PRIM2: variants seen among roughly 807,000 people sequenced by gnomAD.
PRIM2 encodes the protein DNA primase large subunit.
PRIM2 carries 39 observed loss-of-function variants against 67.3 expected under a neutral mutation model. The ratio of observed to expected loss-of-function variants is 0.58; its 90% CI spans 0.45 to 0.76. The LOEUF (loss-of-function observed/expected upper bound fraction) is 0.76. Among genes scored for constraint, PRIM2 ranks in the 30% least tolerant of loss-of-function variants. PRIM2 has a pLI of 0.00. For synonymous variants in PRIM2, 143 were observed against 198.7 expected (o/e 0.72, Z 2.36); for missense variants, 398 against 598.7 (o/e 0.66, Z 3.50).
the PRIM2 span, among the ~76,000 whole-genome samples, chr6:57,265,539 A>G: frequency 6.6e-6 from 1 of 152,226 alleles, no homozygotes; most frequent in South Asian, 2.1e-4. Context: ...ACCACTTACT[A>G]GAATAGAACA....
At chr6:57,403,671 T>G (rs7755884) in intron 7 of PRIM2, among the ~76,000 whole-genome samples, 8 of 151,752 alleles carry the variant, frequency 5.3e-5, no homozygotes, top group Non-Finnish European at 7.4e-5. Flanking sequence ...AGAATTTTAA[T>G]GATTCTCTCA....
intron 7 of PRIM2, among the ~76,000 whole-genome samples, chr6:57,481,459 C>T (rs1437476284): frequency 3.3e-5 from 5 of 152,308 alleles, no homozygotes; most frequent in African/African-American, 1.2e-4. Context: ...TTATAAATCA[C>T]TGCATAGTAT....
At chr6:57,311,663 G>A (rs1425112890), upstream of PRIM2, among the ~76,000 whole-genome samples, 5 of 152,268 alleles carry the variant, frequency 3.3e-5, no homozygotes, top group East Asian at 9.7e-4. Context: ...AGCATTTTGG[G>A]AGGCCAAGGC....
intron 12 of PRIM2, among the ~76,000 whole-genome samples, chr6:57,607,352 A>C (rs1776582928): frequency 1.3e-5 from 2 of 151,954 alleles, no homozygotes; most frequent in African/African-American, 2.4e-5. Flanking sequence ...AAATCCTGCT[A>C]CCACAAAACC....
At chr6:57,443,921 CATTTTGAGTTG>C (rs1345481802) in intron 7 of PRIM2, among the ~76,000 whole-genome samples, 10 of 151,886 alleles carry the variant, frequency 6.6e-5, no homozygotes, top group African/African-American at 2.4e-4. Context: ...GTCTTTAATT[CATTTTGAGTTG>C]ATTTTTATAT....
chr6:57,432,178 G>A (rs1320351695), intron 7 of PRIM2, among the ~76,000 whole-genome samples: 1 of 152,120 alleles, frequency 6.6e-6, no homozygotes, highest in Non-Finnish European at 1.5e-5. Flanking sequence ...CCAACAATTG[G>A]ACTAAATGAA....
upstream of PRIM2, among the ~76,000 whole-genome samples, chr6:57,316,404 T>C (rs1008777564): frequency 2.0e-5 from 3 of 152,158 alleles, no homozygotes; most frequent in Non-Finnish European, 4.4e-5. Flanking sequence ...AGAACAAGAC[T>C]CTGTCTCGGG....
At chr6:57,449,964 C>G (rs1435226327) in intron 7 of PRIM2, among the ~76,000 whole-genome samples, 3 of 152,094 alleles carry the variant, frequency 2.0e-5, no homozygotes, top group Non-Finnish European at 4.4e-5. Context: ...CACAAAGGAA[C>G]AAGATTAATG....
the PRIM2 span, among the ~76,000 whole-genome samples, chr6:57,294,586 T>C: frequency 6.6e-6 from 1 of 151,534 alleles, no homozygotes; most frequent in Non-Finnish European, 1.5e-5. Context: ...TATGTATAAG[T>C]ATGTGTATAT....
At chr6:57,252,489 G>A in the PRIM2 span, among the ~76,000 whole-genome samples, 5 of 152,096 alleles carry the variant, frequency 3.3e-5, no homozygotes, top group African/African-American at 1.2e-4. Flanking sequence ...CGCCGAGGCT[G>A]GAGTGCAGTG....
At chr6:57,500,186 ACTGCCT>A (rs1450335706) in intron 7 of PRIM2, among the ~76,000 whole-genome samples, 1 of 151,956 alleles carries the variant, frequency 6.6e-6, no homozygotes, top group East Asian at 1.9e-4. Flanking sequence ...TTCTGTCCCT[ACTGCCT>A]CTGCCATAAT....
upstream of PRIM2, chr6:57,317,618 T>C (rs1767519359): frequency 1.3e-5 from 2 of 152,716 alleles, no homozygotes; most frequent in Admixed American, 1.3e-4. Flanking sequence ...AGTCACTTCC[T>C]CTTCCGGTTT....
intron 10 of PRIM2, among the ~76,000 whole-genome samples, chr6:57,555,231 C>T (rs1252131127): frequency 3.3e-5 from 5 of 152,158 alleles, no homozygotes; most frequent in Admixed American, 1.3e-4. Context: ...GTGGGGAATG[C>T]TAACCTTTAT....
chr6:57,411,654 C>T (rs1562738833), intron 7 of PRIM2, among the ~76,000 whole-genome samples: 1 of 151,896 alleles, frequency 6.6e-6, no homozygotes, highest in Non-Finnish European at 1.5e-5. Flanking sequence ...TTGATTAAAA[C>T]AATATTAAGT....
chr6:57,528,156 G>A (rs1774803238), intron 8 of PRIM2, among the ~76,000 whole-genome samples: 3 of 149,686 alleles, frequency 2.0e-5, no homozygotes, highest in Non-Finnish European at 4.4e-5. Context: ...TTATAGCGAT[G>A]ATGTCTTGCT....
At chr6:57,236,653 A>G in the PRIM2 span, among the ~76,000 whole-genome samples, 1 of 151,870 alleles carries the variant, frequency 6.6e-6, no homozygotes, top group African/African-American at 2.4e-5. Flanking sequence ...CCTATGAGTG[A>G]GAACATGCGG....
intron 7 of PRIM2, among the ~76,000 whole-genome samples, chr6:57,489,393 A>G (rs2127409066): frequency 6.6e-6 from 1 of 152,354 alleles, no homozygotes; most frequent in African/African-American, 2.4e-5. Context: ...CGTCTTTACT[A>G]AAAACACAAA....
intron 7 of PRIM2, among the ~76,000 whole-genome samples, chr6:57,392,755 G>A (rs950572960): frequency 2.6e-5 from 4 of 151,866 alleles, no homozygotes; most frequent in Admixed American, 2.0e-4. Flanking sequence ...GTGTTGATTT[G>A]TGAGATTTTT....
chr6:57,482,416 G>A (rs1185103263), intron 7 of PRIM2, among the ~76,000 whole-genome samples: 1 of 152,106 alleles, frequency 6.6e-6, no homozygotes, highest in Non-Finnish European at 1.5e-5. Context: ...CCTGGTTGGG[G>A]GGACCAATTT....
Sources: gnomAD v4.1 joint callset for allele counts (sites outside exome capture counted in the v4.1 genomes callset) on GRCh38, gnomAD v4.1.1 for gene constraint, MANE v1.5 for transcripts, NCBI Gene and HGNC (gene_info 2026-07-23, HGNC 2026-07-21) for gene names.